MYEF2: variants seen among roughly 807,000 people sequenced by gnomAD.
MYEF2 encodes the protein myelin gene expression factor 2.
MYEF2 carries 37 observed loss-of-function variants against 75.2 expected under a neutral mutation model. That is an observed-to-expected ratio of 0.49 (90% confidence interval 0.38 to 0.65). The LOEUF (loss-of-function observed/expected upper bound fraction) is 0.65. Among genes scored for constraint, MYEF2 ranks in the 30% least tolerant of loss-of-function variants. The probability of loss-of-function intolerance (pLI) is 0.00; values close to 1 mark genes in which losing one functional copy is unlikely to be tolerated. For synonymous variants in MYEF2, 195 were observed against 241.6 expected (o/e 0.81, Z 1.79); for missense variants, 634 against 771.4 (o/e 0.82, Z 2.11).
chr15:48,139,194 A>G lies in MYEF2; in HGVS notation c.*3714T>C, dbSNP rs1280629135. The G allele has an allele frequency of 6.4e-7, 1 of 1,570,998 alleles. No individual in the cohort carries two copies. Among genetic ancestry groups the G allele is most frequent in the African/African-American group, 1.4e-5 (1 of 73,998 alleles). On this transcript the variant is annotated 3_prime_UTR_variant, in exon 17 of 17. Transcript: ENST00000324324. ...ATAACTGGTATGTATTTTAAGTACAATAGCACAACTTGAAAATATTCATAT... is the reference window on the plus strand; with the variant it reads ...ATAACTGGTATGTATTTTAAGTACAGTAGCACAACTTGAAAATATTCATAT...
At position 48,139,217 on chromosome 15, in the gene MYEF2, T is replaced by A. The variant is rs1567229672; in HGVS notation, c.*3691A>T. The A allele has an allele frequency of 6.6e-7, 1 of 1,523,816 alleles. No individual in the cohort carries two copies. Among genetic ancestry groups the A allele is most frequent in the Non-Finnish European group, 9.0e-7 (1 of 1,106,642 alleles). 94.4% of individuals were successfully genotyped at this position (1,523,816 alleles called of 1,614,324 possible). On this transcript the variant is annotated 3_prime_UTR_variant, in exon 17 of 17. Transcript: ENST00000324324. ...CAATAGCACAACTTGAAAATATTCA[T>A]ATAAGAACAAATTGCATATGTTCAC... is the stretch of plus-strand genomic sequence containing the variant.
intron 5 of MYEF2, 146 bp from the exon 6 acceptor site, chr15:48,159,950 A>G (rs1037945187): frequency 1.3e-6 from 1 of 799,742 alleles, no homozygotes. Flanking sequence ...TCATCCAGAG[A>G]ATTGAGTCCC....
Position 48,139,155 on chromosome 15 carries a change from T to A in MYEF2, c.*3753A>T. On this transcript the variant is annotated 3_prime_UTR_variant, in exon 17 of 17. Coordinates refer to ENST00000324324, the MANE Select transcript of MYEF2 (RefSeq NM_016132.5). ...ATATCCGCATTTACATATATCCTGG[T>A]TTGGATGGTCACAATAACTGGTATG... is the stretch of plus-strand genomic sequence containing the variant. 6.2e-7 allele frequency: 1 copy of A among 1,612,024 alleles called. No homozygotes were observed. The highest frequency in any genetic ancestry group is 1.3e-5 in the African/African-American group (1 of 75,006).
chr15:48,165,715 T>C (rs1288976022), intron 5 of MYEF2, among the ~76,000 whole-genome samples: 1 of 151,842 alleles, frequency 6.6e-6, no homozygotes, highest in Non-Finnish European at 1.5e-5. Flanking sequence ...GTGCTTTTAT[T>C]TTTAACAACT....
rs1304700778 is a variant in MYEF2, at chr15:48,142,755, T to C, written c.*153A>G. 4.3e-6 allele frequency: 3 copies of C among 703,754 alleles called. No homozygotes were observed. The highest frequency in any genetic ancestry group is 6.5e-6 in the Non-Finnish European group (3 of 462,650). The allele number at this position is 703,754 out of a possible 1,614,324, so 43.6% of individuals were successfully genotyped here. ...AACTTGAGATTAACAAAAATTACAGTATATTTTTAACATTATACTGTTAAA... is the reference window on the plus strand; with the variant it reads ...AACTTGAGATTAACAAAAATTACAGCATATTTTTAACATTATACTGTTAAA... On this transcript the variant is annotated 3_prime_UTR_variant, in exon 17 of 17. Coordinates refer to ENST00000324324, the MANE Select transcript of MYEF2 (RefSeq NM_016132.5).
rs1204976247 is a variant in MYEF2 at position 48,135,666 on chromosome 15, A to G, written c.*7242T>C. ...AATGAAATGTAAAACACAGCTACACAGGTTATATACATTGCATAACTCCAG... is the reference window on the plus strand; with the variant it reads ...AATGAAATGTAAAACACAGCTACACGGGTTATATACATTGCATAACTCCAG... On this transcript the variant is annotated 3_prime_UTR_variant, in exon 17 of 17. Coordinates refer to ENST00000324324, the MANE Select transcript of MYEF2 (RefSeq NM_016132.5). 1 of 151,924 alleles carries G rather than the reference A, an allele frequency of 6.6e-6. No homozygotes were observed. The highest frequency in any genetic ancestry group is 1.5e-5 in the Non-Finnish European group (1 of 67,988). 9.4% of individuals were successfully genotyped at this position (151,924 alleles called of 1,614,324 possible). A position where few individuals can be genotyped will look rare whatever the true frequency, so the allele number is the denominator to read the frequency against.
intron 9 of MYEF2, among the ~76,000 whole-genome samples, chr15:48,155,620 T>G (rs1479063250): frequency 1.3e-5 from 2 of 151,102 alleles, no homozygotes; most frequent in East Asian, 1.9e-4. Flanking sequence ...TAAGTCCAAA[T>G]GAATTCCAAA....
intron 5 of MYEF2, among the ~76,000 whole-genome samples, chr15:48,162,516 A>G (rs2039978206): frequency 1.3e-5 from 2 of 152,196 alleles, no homozygotes; most frequent in African/African-American, 4.8e-5. Context: ...TATCTCATTT[A>G]ATCCTCATAA....
rs550902370 is a variant in MYEF2 at position 48,147,549 on chromosome 15, C to T, written c.1639+1483G>A. Among the ~76,000 whole-genome samples the T allele has an allele frequency of 1.1e-4, 17 of 151,952 alleles. 1 individual carries two copies. The South Asian group carries it at 2.3e-3, about 20-fold the overall frequency. Reference sequence around the variant, plus strand: ...TATACATTCTTTCCTCTGTAGTCTACAGGATTCATGGCCAGACACTGCTTA... The same window carrying T: ...TATACATTCTTTCCTCTGTAGTCTATAGGATTCATGGCCAGACACTGCTTA... On this transcript the variant is annotated intron_variant, in intron 16 of 16. Transcript: ENST00000324324.
rs956081681 is a variant in MYEF2 at position 48,141,190 on chromosome 15, G to A, written c.*1718C>T. On this transcript the variant is annotated 3_prime_UTR_variant, in exon 17 of 17. Transcript: ENST00000324324. ...AGGAACAAGCATACCAGACACAATT[G>A]CAAGTGTGTTGGTTGCAAGAAAAGG... 3.7e-6 allele frequency: 6 copies of A among 1,613,640 alleles called. No homozygotes were observed. In the African/African-American group the frequency reaches 6.7e-5, roughly 18 times the overall value.
chr15:48,167,074 A>C (rs1055716926), intron 3 of MYEF2, among the ~76,000 whole-genome samples: 1 of 152,082 alleles, frequency 6.6e-6, no homozygotes, highest in African/African-American at 2.4e-5. Context: ...TACAACAAAA[A>C]AAATCCTATG....
In MYEF2 at chr15:48,136,519, G is replaced by A. The variant is rs1244988400; in HGVS notation, c.*6389C>T. ...TTTTATCAATAAACATAATAATGCT[G>A]TAATCAAGTCTGGACAAATCTACAA... On this transcript the variant is annotated 3_prime_UTR_variant, in exon 17 of 17. Transcript: ENST00000324324. The A allele has an allele frequency of 1.4e-5, 8 of 569,258 alleles. No homozygotes were observed. The East Asian group carries it at 2.1e-4, about 15-fold the overall frequency. The allele number at this position is 569,258 out of a possible 1,614,324, so 35.3% of individuals were successfully genotyped here.
intron 16 of MYEF2, among the ~76,000 whole-genome samples, chr15:48,145,959 C>T (rs927753398): frequency 6.6e-6 from 1 of 151,880 alleles, no homozygotes; most frequent in African/African-American, 2.4e-5. Context: ...ATAAAATCTA[C>T]CATAAGCCTC....
In MYEF2 at chr15:48,149,423, C is replaced by A; in HGVS notation, c.1379-52G>T. ...ATTTGGGAATTTTGTGTTTTTGTTTCAAAAACATAAGGAAAAGGAGAAGAG... is the reference window on the plus strand; with the variant it reads ...ATTTGGGAATTTTGTGTTTTTGTTTAAAAAACATAAGGAAAAGGAGAAGAG... On this transcript the variant is annotated intron_variant, in intron 14 of 16. Transcript: ENST00000324324. The surrounding 1 kb of genome is among the most constrained non-coding windows in gnomAD (Gnocchi z 4.0). 6.4e-7 allele frequency: 1 copy of A among 1,551,206 alleles called. No individual in the cohort carries two copies. Among genetic ancestry groups the A allele is most frequent in the Non-Finnish European group, 8.9e-7 (1 of 1,129,124 alleles).
intron 16 of MYEF2, among the ~76,000 whole-genome samples, chr15:48,145,187 C>A (rs1381465229): frequency 4.6e-5 from 7 of 151,714 alleles, no homozygotes; most frequent in African/African-American, 1.7e-4. Context: ...GGACAGTAGC[C>A]CATAAATATT....
intron 1 of MYEF2, among the ~76,000 whole-genome samples, chr15:48,175,571 C>T (rs920779608): frequency 2.6e-5 from 4 of 152,090 alleles, no homozygotes; most frequent in African/African-American, 7.2e-5. Flanking sequence ...ACACTGTACA[C>T]TTCAAAATAT....
At position 48,142,368 on chromosome 15, in the gene MYEF2, A is replaced by G. The variant is rs1597279573; in HGVS notation, c.*540T>C. ...GGAGGTTGATATTATTAATAGTGTT[A>G]TGCAGAAAATATGAATGGCAGGGAG... On this transcript the variant is annotated 3_prime_UTR_variant, in exon 17 of 17. Transcript: ENST00000324324. 6.8e-7 allele frequency: 1 copy of G among 1,479,890 alleles called. No individual in the cohort carries two copies. Among genetic ancestry groups the G allele is most frequent in the Non-Finnish European group, 9.1e-7 (1 of 1,095,658 alleles). 91.7% of individuals were successfully genotyped at this position (1,479,890 alleles called of 1,614,324 possible).
intron 12 of MYEF2, 51 bp from the exon 13 acceptor site, chr15:48,151,622 T>C: frequency 6.7e-7 from 1 of 1,481,600 alleles, no homozygotes; most frequent in South Asian, 1.2e-5. Flanking sequence ...CAATACATGT[T>C]GAAAACATTC....
intron 5 of MYEF2, among the ~76,000 whole-genome samples, chr15:48,160,893 A>G (rs1051698880): frequency 6.6e-6 from 1 of 151,932 alleles, no homozygotes; most frequent in Admixed American, 6.6e-5. Flanking sequence ...AAAAAAATGT[A>G]TCAAAGAATG....
Sources: gnomAD v4.1 joint callset for allele counts (sites outside exome capture counted in the v4.1 genomes callset) on GRCh38, gnomAD v4.1.1 for gene constraint, Gnocchi (gnomAD v3.1) non-coding constraint, MANE v1.5 for transcripts, NCBI Gene and HGNC (gene_info 2026-07-23, HGNC 2026-07-21) for gene names.